NRXN3: variants seen among roughly 807,000 people sequenced by gnomAD.
The protein encoded by NRXN3 is neurexin III.
NRXN3 carries 32 observed loss-of-function variants against 137.6 expected under a neutral mutation model. The observed-to-expected ratio is 0.23, with a 90% CI of 0.18 to 0.31. The LOEUF (loss-of-function observed/expected upper bound fraction) is 0.31, where lower values mean the gene tolerates loss of function less well. NRXN3 is among the 10% of genes least tolerant of loss of function. NRXN3 has a pLI of 1.00. For synonymous variants in NRXN3, 798 were observed against 784.5 expected (o/e 1.02, Z -0.29); for missense variants, 1,574 against 2,062.5 (o/e 0.76, Z 4.59).
At chr14:79,436,412 G>A (rs971022178) in intron 15 of NRXN3, among the ~76,000 whole-genome samples, 1 of 152,170 alleles carries the variant, frequency 6.6e-6, no homozygotes, top group East Asian at 1.9e-4. Flanking sequence ...TTGTAATAGA[G>A]CTACAGCTTT....
chr14:79,583,465 C>T (rs767232202), intron 16 of NRXN3, among the ~76,000 whole-genome samples: 9 of 151,928 alleles, frequency 5.9e-5, no homozygotes, highest in Non-Finnish European at 1.2e-4. Flanking sequence ...GTTGTGAGCA[C>T]GATCTTCTCT....
At chr14:79,513,719 A>T (rs1351401555) in intron 16 of NRXN3, among the ~76,000 whole-genome samples, 1 of 152,206 alleles carries the variant, frequency 6.6e-6, no homozygotes, top group Non-Finnish European at 1.5e-5. Flanking sequence ...CAAGGATGTG[A>T]ATCTGTAATT....
At chr14:78,223,976 C>T (rs754646804) in intron 1 of NRXN3, among the ~76,000 whole-genome samples, 9 of 152,138 alleles carry the variant, frequency 5.9e-5, no homozygotes, top group East Asian at 1.9e-4. Context: ...GGATCAAGCC[C>T]GGGCCCCTCT....
chr14:79,279,593 C>T lies in NRXN3; in HGVS notation c.3263-187628C>T, dbSNP rs552005087. On this transcript the variant is annotated intron_variant, in intron 15 of 20. Transcript: ENST00000335750. ...TCCCTCCAGTCCTTCTTATTCTCTTCCTCTGGCTGCGGTGGCTGCTGCTGC... is the reference window on the plus strand; with the variant it reads ...TCCCTCCAGTCCTTCTTATTCTCTTTCTCTGGCTGCGGTGGCTGCTGCTGC... The T allele has an allele frequency of 5.1e-6, 5 of 987,074 alleles. No individual in the cohort carries two copies. The South Asian group carries it at 2.3e-4, about 46-fold the overall frequency. The allele number at this position is 987,074 out of a possible 1,614,324, so 61.1% of individuals were successfully genotyped here.
chr14:79,264,557 T>TGTGC lies in NRXN3; in HGVS notation c.3263-202663_3263-202662insTGCG, dbSNP rs1491095998. ...GTGTGTGTGTGTGTGTGTGTGTGTG[T>TGTGC]GCGCGCGTGCATGTATGTCCCCAAA... On this transcript the variant is annotated intron_variant, in intron 15 of 20. Transcript: ENST00000335750. 1.5e-3 allele frequency among the ~76,000 whole-genome samples: 180 copies of TGTGC among 122,916 alleles called. 2 individuals carry two copies. Among genetic ancestry groups the TGTGC allele is most frequent in the Admixed American group, 2.7e-3 (35 of 12,804 alleles). The allele number at this position is 122,916 out of a possible 152,430, so 80.6% of individuals were successfully genotyped here. A position where few individuals can be genotyped will look rare whatever the true frequency, so the allele number is the denominator to read the frequency against.
intron 16 of NRXN3, 68 bp from the exon 17 acceptor site, chr14:79,663,710 G>A (rs2098545286): frequency 7.1e-7 from 1 of 1,417,004 alleles, no homozygotes. Context: ...CTGGTTGGAG[G>A]ATCAAGTTTA....
At chr14:79,480,714 T>C (rs1036692705) in intron 16 of NRXN3, among the ~76,000 whole-genome samples, 2 of 152,066 alleles carry the variant, frequency 1.3e-5, no homozygotes, top group African/African-American at 2.4e-5. Context: ...GGTTGGATCA[T>C]GGGAGTGGTT....
chr14:78,908,453 C>T (rs2099225727), intron 10 of NRXN3, among the ~76,000 whole-genome samples: 1 of 152,080 alleles, frequency 6.6e-6, no homozygotes, highest in African/African-American at 2.4e-5. Context: ...ATTGTTGGAA[C>T]TTCCTCCTCC....
chr14:78,176,234 C>T (rs1185840084), intron 1 of NRXN3, among the ~76,000 whole-genome samples: 1 of 152,172 alleles, frequency 6.6e-6, no homozygotes, highest in East Asian at 1.9e-4. Context: ...GCTTCTCTAT[C>T]CCTGGCTCAG....
At chr14:79,116,604 G>A (rs191005591) in intron 15 of NRXN3, among the ~76,000 whole-genome samples, 2 of 152,294 alleles carry the variant, frequency 1.3e-5, no homozygotes, top group East Asian at 3.9e-4. Context: ...TCCTTTCAGA[G>A]TGAATATTGT....
chr14:79,359,537 T>A (rs1403184443), intron 15 of NRXN3, among the ~76,000 whole-genome samples: 4 of 151,612 alleles, frequency 2.6e-5, no homozygotes, highest in Non-Finnish European at 5.9e-5. Flanking sequence ...TTGGAGTTAC[T>A]CTTTATCAGA....
chr14:79,861,987 C>T lies in NRXN3; in HGVS notation c.*23C>T. 2 of 1,557,444 alleles carry T rather than the reference C, an allele frequency of 1.3e-6. No homozygotes were observed. Among genetic ancestry groups the T allele is most frequent in the South Asian group, 1.2e-5 (1 of 85,268 alleles). ...TAAACATGCGAACACTGCTCACACGCGAGTTTTCACAGTTATTTCTATCCA... is the reference window on the plus strand; with the variant it reads ...TAAACATGCGAACACTGCTCACACGTGAGTTTTCACAGTTATTTCTATCCA... On this transcript the variant is annotated 3_prime_UTR_variant, in exon 21 of 21. Transcript: ENST00000335750. The surrounding 1 kb of genome is among the most constrained non-coding windows in gnomAD (Gnocchi z 5.4).
intron 15 of NRXN3, among the ~76,000 whole-genome samples, chr14:79,065,987 C>G (rs112446296): frequency 0.028 from 4,293 of 152,172 alleles, 203 homozygotes; most frequent in African/African-American, 0.098. Context: ...TGCAGAAGCT[C>G]TTTAGCTTAA....
intron 15 of NRXN3, among the ~76,000 whole-genome samples, chr14:79,370,072 A>G (rs1049599323): frequency 6.6e-6 from 1 of 152,164 alleles, no homozygotes; most frequent in African/African-American, 2.4e-5. Flanking sequence ...AAAGACAAAC[A>G]TGAAGTAAGG....
rs148835411 is a variant in NRXN3, at chr14:78,855,983, A to T, written c.2275+45639A>T. ...CTTTCTGACCTGGTCAAGCCACTTT[A>T]CCATCTTTCTGGGTCTTCTTTCCTC... On this transcript the variant is annotated intron_variant, in intron 10 of 20. Coordinates refer to ENST00000335750, the MANE Select transcript of NRXN3 (RefSeq NM_001330195.2). 1.4e-3 allele frequency among the ~76,000 whole-genome samples: 209 copies of T among 152,310 alleles called. 3 individuals are homozygous for T. In the East Asian group the frequency reaches 0.026, roughly 19 times the overall value.
intron 19 of NRXN3, among the ~76,000 whole-genome samples, chr14:79,707,238 A>G (rs1311797938): frequency 1.3e-5 from 2 of 152,224 alleles, no homozygotes; most frequent in Non-Finnish European, 2.9e-5. Context: ...TCAGTTGAAG[A>G]AAAATAAATG....
chr14:78,463,643 A>T (rs979189941), intron 4 of NRXN3, among the ~76,000 whole-genome samples: 1 of 145,480 alleles, frequency 6.9e-6, no homozygotes, highest in Non-Finnish European at 1.5e-5. Context: ...CTTACATATT[A>T]ATTATATTAA....
chr14:78,762,527 T>G (rs1226201184), intron 8 of NRXN3, among the ~76,000 whole-genome samples: 1 of 152,176 alleles, frequency 6.6e-6, no homozygotes, highest in Admixed American at 6.5e-5. Context: ...GAATAATGTC[T>G]GTCATCCCCT....
chr14:79,007,060 G>A (rs545486663), intron 15 of NRXN3, among the ~76,000 whole-genome samples: 3 of 152,272 alleles, frequency 2.0e-5, no homozygotes, highest in East Asian at 3.9e-4. Context: ...TGTTTAGAGT[G>A]TGTAGATAAC....
Sources: allele counts gnomAD v4.1 joint callset (sites outside exome capture counted in the v4.1 genomes callset), GRCh38; gene constraint gnomAD v4.1.1; non-coding constraint Gnocchi (gnomAD v3.1); transcripts MANE v1.5; gene names NCBI Gene and HGNC (gene_info 2026-07-23, HGNC 2026-07-21).